ARAP2: variants seen among roughly 807,000 people sequenced by gnomAD.
The protein encoded by ARAP2 is ArfGAP with RhoGAP domain, ankyrin repeat and PH domain 2, also known as arf-GAP with Rho-GAP domain, ANK repeat and PH domain-containing protein 2.
A neutral mutation model predicts 194.5 loss-of-function variants in ARAP2; 148 were observed. The observed-to-expected ratio is 0.76, with a 90% CI of 0.67 to 0.87. The LOEUF (loss-of-function observed/expected upper bound fraction) is 0.87, where lower values mean the gene tolerates loss of function less well. ARAP2 is among the 40% of genes least tolerant of loss of function. ARAP2 has a pLI of 0.00. For missense variants in ARAP2, 2,128 were observed against 1,989.7 expected, an observed-to-expected ratio of 1.07 and a Z score of -1.32; for synonymous variants, 695 against 683.5, an observed-to-expected ratio of 1.02 and a Z score of -0.26.
At chr4:36,042,491 T>G (rs140390454) in intron 5 of ARAP2, among the ~76,000 whole-genome samples, 1 of 152,320 alleles carries the variant, frequency 6.6e-6, no homozygotes, top group East Asian at 1.9e-4. Flanking sequence ...ATGGGACTGT[T>G]CCAGTATACC....
intron 5 of ARAP2, among the ~76,000 whole-genome samples, chr4:36,039,315 T>A (rs1720446032): frequency 6.6e-6 from 1 of 152,164 alleles, no homozygotes; most frequent in South Asian, 2.1e-4. Context: ...AATCTGTACA[T>A]CTCTTCCACA....
In ARAP2 at chr4:36,187,446, C is replaced by T; in HGVS notation, c.1678+5G>A. 1 of 1,380,658 alleles carries T rather than the reference C, an allele frequency of 7.2e-7. No homozygotes were observed. Among genetic ancestry groups the T allele is most frequent in the Non-Finnish European group, 9.8e-7 (1 of 1,020,394 alleles). The allele number at this position is 1,380,658 out of a possible 1,614,324, so 85.5% of individuals were successfully genotyped here. ...TATTTCATATGGATAAATAAATAAT[C>T]TCACCTTCTTTTTCTACTCTAAAAA... On this transcript the variant is annotated splice_donor_5th_base_variant and intron_variant, in intron 8 of 32. Transcript: ENST00000303965.
Position 36,236,865 on chromosome 4 carries a change from T to C in ARAP2, c.-159-7220A>G, listed in dbSNP as rs1287233616. Among the ~76,000 whole-genome samples, 5 of 152,300 alleles carry C rather than the reference T, an allele frequency of 3.3e-5. No individual in the cohort carries two copies. In the East Asian group the frequency reaches 9.6e-4, roughly 29 times the overall value. The stretch of plus-strand genomic sequence containing the variant: ...ATAGTACCCAGATAAAAAATTCAAG[T>C]GTGATTTTTACTCCTTCAATTCTCT... On this transcript the variant is annotated intron_variant, in intron 1 of 32. Coordinates refer to ENST00000303965, the MANE Select transcript of ARAP2 (RefSeq NM_015230.4).
chr4:36,165,496 T>A (rs1413833147), intron 10 of ARAP2, among the ~76,000 whole-genome samples: 1 of 152,134 alleles, frequency 6.6e-6, no homozygotes, highest in East Asian at 1.9e-4. Context: ...CAAGCAAGTA[T>A]GCCATGATAG....
At chr4:36,134,685 C>A (rs1726230524) in intron 19 of ARAP2, among the ~76,000 whole-genome samples, 2 of 151,298 alleles carry the variant, frequency 1.3e-5, no homozygotes, top group African/African-American at 4.8e-5. Flanking sequence ...GCAACTTGAT[C>A]TGTCATTCTC....
intron 15 of ARAP2, among the ~76,000 whole-genome samples, chr4:36,153,149 A>T (rs1055403058): frequency 6.6e-6 from 1 of 152,238 alleles, no homozygotes; most frequent in Non-Finnish European, 1.5e-5. Context: ...TCAGTCCTGT[A>T]GCATTTTCAT....
intron 8 of ARAP2, among the ~76,000 whole-genome samples, chr4:36,183,791 G>A (rs571686739): frequency 6.6e-6 from 1 of 152,320 alleles, no homozygotes; most frequent in East Asian, 1.9e-4. Context: ...GGGAGGGATA[G>A]GAGCCTTAGA....
intron 5 of ARAP2, among the ~76,000 whole-genome samples, chr4:36,033,456 T>A (rs1719345713): frequency 6.6e-6 from 1 of 151,498 alleles, no homozygotes; most frequent in African/African-American, 2.4e-5. Context: ...TTTTCTGAAG[T>A]GTCTGTTCAT....
chr4:36,168,819 C>T (rs958200204), intron 9 of ARAP2, among the ~76,000 whole-genome samples: 1 of 152,130 alleles, frequency 6.6e-6, no homozygotes, highest in African/African-American at 2.4e-5. Flanking sequence ...ATGGGAGTGC[C>T]ATACTTCCAC....
chr4:36,138,861 C>T (rs1727496328), intron 19 of ARAP2, among the ~76,000 whole-genome samples: 1 of 151,678 alleles, frequency 6.6e-6, no homozygotes, highest in African/African-American at 2.4e-5. Flanking sequence ...CTTTGCACTG[C>T]CACTTTCTAA....
chr4:36,041,938 C>T (rs116430989), intron 5 of ARAP2, among the ~76,000 whole-genome samples: 3,100 of 152,112 alleles, frequency 0.02, 125 homozygotes, highest in African/African-American at 0.071. Context: ...AACCAAAGAC[C>T]GCATGTTCTC....
chr4:36,244,776 C>T (rs1754366708), upstream of ARAP2, among the ~76,000 whole-genome samples: 1 of 152,156 alleles, frequency 6.6e-6, no homozygotes, highest in Admixed American at 6.5e-5. Flanking sequence ...CGGAGATGCC[C>T]AGGACCTTGT....
At chr4:36,200,084 T>G (rs577404213) in intron 6 of ARAP2, among the ~76,000 whole-genome samples, 117 of 152,330 alleles carry the variant, frequency 7.7e-4, no homozygotes, top group Middle Eastern at 3.4e-3. Flanking sequence ...TTTTTAAACC[T>G]AAATTCATAT....
In ARAP2 at chr4:36,158,764, A is replaced by G. The variant is rs16991958; in HGVS notation, c.2718T>C (p.Ala906=). 8.8e-3 allele frequency: 14,099 copies of G among 1,610,898 alleles called. 1,087 individuals are homozygous for G. In the African/African-American group the frequency reaches 0.17, roughly 19 times the overall value. ...CDFLYQAPSA[A]SKLSSEKKLL... ...GTTTTTTCTCTGAAGAGAGTTTAGA[A>G]GCAGCAGAAGGAGCTTGATATAAAA... Residue 906 remains alanine, a synonymous_variant, in exon 15 of 33, where the codon GCT becomes GCC. Coordinates refer to ENST00000303965, the MANE Select transcript of ARAP2 (RefSeq NM_015230.4).
chr4:36,091,787 G>C (rs1163930807), intron 28 of ARAP2, 94 bp downstream of exon 28: 1 of 1,327,016 alleles, frequency 7.5e-7, no homozygotes, highest in Non-Finnish European at 1.0e-6. Context: ...TATACTACAG[G>C]CAGTGACTTC....
chr4:36,232,046 G>C (rs1013295585), intron 1 of ARAP2, among the ~76,000 whole-genome samples: 3 of 152,188 alleles, frequency 2.0e-5, no homozygotes, highest in African/African-American at 7.2e-5. Flanking sequence ...ACAGGGAAAA[G>C]GTGGCTATCT....
chr4:36,152,249 C>G (rs1332635135), intron 15 of ARAP2, among the ~76,000 whole-genome samples: 1 of 152,040 alleles, frequency 6.6e-6, no homozygotes, highest in Non-Finnish European at 1.5e-5. Context: ...TAACAGAGAC[C>G]AAAGCAATTC....
chr4:36,068,557 T>C (rs1227464813), intron 32 of ARAP2, among the ~76,000 whole-genome samples: 1 of 152,202 alleles, frequency 6.6e-6, no homozygotes, highest in African/African-American at 2.4e-5. Flanking sequence ...AAAGCATACT[T>C]CAAATTCTGA....
intron 1 of ARAP2, among the ~76,000 whole-genome samples, chr4:36,059,733 T>C (rs534659307): frequency 2.1e-4 from 32 of 152,232 alleles, no homozygotes; most frequent in Middle Eastern, 3.4e-3. Flanking sequence ...CACAAGACAG[T>C]AGGATCCTAG....
Sources: allele counts gnomAD v4.1 joint callset (sites outside exome capture counted in the v4.1 genomes callset), GRCh38; gene constraint gnomAD v4.1.1; transcripts MANE v1.5; gene names NCBI Gene and HGNC (gene_info 2026-07-23, HGNC 2026-07-21).